The following CFAP61 variants were observed in gnomAD, a reference collection of about 807,000 sequenced individuals.
CFAP61 encodes cilia and flagella associated protein 61.
In CFAP61, 107 loss-of-function variants were observed where a neutral mutation model predicts 135.6. The observed-to-expected ratio is 0.79, with a 90% CI of 0.67 to 0.93. The LOEUF is 0.93. Among genes scored for constraint, CFAP61 ranks in the 40% least tolerant of loss-of-function variants. The pLI is 0.00. For synonymous variants in CFAP61, 575 were observed against 578.5 expected, an observed-to-expected ratio of 0.99 and a Z score of 0.09; for missense variants, 1,507 against 1,556.2, an observed-to-expected ratio of 0.97 and a Z score of 0.53.
intron 8 of CFAP61, among the ~76,000 whole-genome samples, chr20:20,121,595 A>G (rs899290423): frequency 6.6e-6 from 1 of 152,154 alleles, no homozygotes. Context: ...GCCAGGTTCA[A>G]GTGATTCTCG....
intron 2 of CFAP61, among the ~76,000 whole-genome samples, chr20:20,062,847 C>T (rs1038845349): frequency 9.9e-5 from 15 of 152,106 alleles, no homozygotes; most frequent in Non-Finnish European, 1.8e-4. Context: ...TAATTACACA[C>T]GTTAGGATAT....
chr20:20,284,852 TA>T (rs1405349600), intron 22 of CFAP61, among the ~76,000 whole-genome samples: 3 of 152,218 alleles, frequency 2.0e-5, no homozygotes, highest in Non-Finnish European at 4.4e-5. Context: ...TTTGAAGAAT[TA>T]AAAAGAATAG....
rs372263759 is a variant in CFAP61, at chr20:20,143,400, G to C, written c.951+452G>C. ...CAAAGTCCCCTCCCAGCAAAGAGGG[G>C]ACTCGGGAGATGTGAGTCTTTTAAA... On this transcript the variant is annotated intron_variant, in intron 9 of 26. Transcript: ENST00000245957. Among the ~76,000 whole-genome samples, 77 of 152,310 alleles carry C rather than the reference G, an allele frequency of 5.1e-4. 1 individual carries two copies. Among genetic ancestry groups the C allele is most frequent in the African/African-American group, 1.8e-3 (73 of 41,560 alleles).
At chr20:20,237,469 C>G (rs1026960023) in intron 18 of CFAP61, among the ~76,000 whole-genome samples, 1 of 152,222 alleles carries the variant, frequency 6.6e-6, no homozygotes, top group African/African-American at 2.4e-5. Context: ...TAACCTCTGT[C>G]TCACCCCACG....
At chr20:20,117,852 T>C (rs1422168805) in intron 8 of CFAP61, among the ~76,000 whole-genome samples, 1 of 152,212 alleles carries the variant, frequency 6.6e-6, no homozygotes, top group Non-Finnish European at 1.5e-5. Context: ...TTTATAGCTA[T>C]TGTAAATGGG....
intron 15 of CFAP61, 79 bp downstream of exon 15, chr20:20,191,498 G>A: frequency 1.0e-6 from 1 of 999,962 alleles, no homozygotes; most frequent in Non-Finnish European, 1.5e-6. Context: ...CCCTTTTGGA[G>A]TTGTACTTTT....
Position 20,052,540 on chromosome 20 carries a change from C to A in CFAP61, c.-88C>A, listed in dbSNP as rs1201689608. 6.2e-7 allele frequency: 1 copy of A among 1,614,218 alleles called. No individual in the cohort carries two copies. The highest frequency in any genetic ancestry group is 1.7e-5 in the Admixed American group (1 of 60,032). ...CCGTTTCCATGGTGACCAGGCTGCG[C>A]GTCCTCCTTGCGGCAGCGCGTGGAG... On this transcript the variant is annotated 5_prime_UTR_variant, in exon 1 of 27. Coordinates refer to ENST00000245957, the MANE Select transcript of CFAP61 (RefSeq NM_015585.4).
chr20:20,162,954 G>A (rs750004129), intron 10 of CFAP61, among the ~76,000 whole-genome samples: 4 of 152,168 alleles, frequency 2.6e-5, no homozygotes, highest in Non-Finnish European at 5.9e-5. Flanking sequence ...GAAGAGGGTA[G>A]TATGAGAGGG....
chr20:20,168,911 C>T (rs2054022370), intron 12 of CFAP61, among the ~76,000 whole-genome samples: 1 of 152,198 alleles, frequency 6.6e-6, no homozygotes. Flanking sequence ...ATCCTCCCAT[C>T]TCGCAAGAGG....
At chr20:20,156,691 A>T (rs1380826417) in intron 9 of CFAP61, among the ~76,000 whole-genome samples, 2 of 152,196 alleles carry the variant, frequency 1.3e-5, no homozygotes, top group Non-Finnish European at 2.9e-5. Context: ...TTAATATGCA[A>T]AATTTAGTTG....
intron 20 of CFAP61, among the ~76,000 whole-genome samples, chr20:20,252,852 G>T (rs1490328654): frequency 6.6e-6 from 1 of 152,336 alleles, no homozygotes; most frequent in East Asian, 1.9e-4. Flanking sequence ...TGCCTTGGCC[G>T]CACATTGAGA....
chr20:20,101,792 AT>A lies in CFAP61; in HGVS notation c.859+2986del, dbSNP rs1314506937. ...ATGTGTGTGCCACCACACCCAGCTA[AT>A]TTTTTTTGTATTTTTAGTAGAGACA... On this transcript the variant is annotated intron_variant, in intron 8 of 26. Transcript: ENST00000245957. 4.6e-5 allele frequency among the ~76,000 whole-genome samples: 7 copies of A among 151,412 alleles called. No homozygotes were observed. In the South Asian group the frequency reaches 6.3e-4, roughly 14 times the overall value.
At chr20:20,273,267 A>G (rs573385016) in intron 21 of CFAP61, among the ~76,000 whole-genome samples, 4 of 152,088 alleles carry the variant, frequency 2.6e-5, no homozygotes, top group Non-Finnish European at 5.9e-5. Flanking sequence ...GTATTATTTT[A>G]TATCTATCAT....
At chr20:20,351,692 A>G (rs1168441605) in intron 26 of CFAP61, among the ~76,000 whole-genome samples, 2 of 152,220 alleles carry the variant, frequency 1.3e-5, no homozygotes, top group African/African-American at 4.8e-5. Flanking sequence ...CCAATGAGTT[A>G]AAAGATCTCT....
chr20:20,304,079 A>T (rs2056278939), intron 25 of CFAP61, among the ~76,000 whole-genome samples: 1 of 152,168 alleles, frequency 6.6e-6, no homozygotes, highest in Non-Finnish European at 1.5e-5. Context: ...ATATGGGGAC[A>T]CGAGGTGGCG....
At chr20:20,077,819 G>A (rs778991275) in intron 6 of CFAP61, among the ~76,000 whole-genome samples, 5 of 146,368 alleles carry the variant, frequency 3.4e-5, no homozygotes, top group Non-Finnish European at 5.9e-5. Context: ...AGGGGTTGTG[G>A]AGACAGAGGT....
chr20:20,066,600 TCTCA>T (rs546444325), intron 2 of CFAP61, among the ~76,000 whole-genome samples: 2,522 of 151,818 alleles, frequency 0.017, 66 homozygotes, highest in African/African-American at 0.057. Context: ...CACCACATGT[TCTCA>T]CTCATAAGTG....
chr20:20,276,822 C>T (rs1179549510), intron 21 of CFAP61, among the ~76,000 whole-genome samples: 1 of 152,158 alleles, frequency 6.6e-6, no homozygotes, highest in African/African-American at 2.4e-5. Flanking sequence ...TATACATTGC[C>T]AACATTAGTA....
chr20:20,343,139 G>T (rs970755283), intron 26 of CFAP61, among the ~76,000 whole-genome samples: 2 of 152,194 alleles, frequency 1.3e-5, no homozygotes, highest in African/African-American at 4.8e-5. Context: ...TTACAGGCGT[G>T]AGCCATCGCG....
Sources: gnomAD v4.1 joint callset for allele counts (sites outside exome capture counted in the v4.1 genomes callset) on GRCh38, gnomAD v4.1.1 for gene constraint, MANE v1.5 for transcripts, NCBI Gene and HGNC (gene_info 2026-07-23, HGNC 2026-07-21) for gene names.